The following ACSS3 variants were observed in gnomAD, a reference collection of about 807,000 sequenced individuals.
ACSS3 encodes acyl-CoA synthetase short chain family member 3.
A neutral mutation model predicts 84.2 loss-of-function variants in ACSS3; 64 were observed. That is an observed-to-expected ratio of 0.76 (90% CI 0.62 to 0.94). The LOEUF is 0.94. Among genes scored for constraint, ACSS3 ranks in the 40% least tolerant of loss-of-function variants. The probability of loss-of-function intolerance (pLI) is 0.00; values close to 1 mark genes in which losing one functional copy is unlikely to be tolerated. For missense variants in ACSS3, 815 were observed against 867.6 expected (o/e 0.94, Z 0.76); for synonymous variants, 317 against 310.1 (o/e 1.02, Z -0.23).
At chr12:81,193,753 G>C (rs1361765631) in intron 8 of ACSS3, among the ~76,000 whole-genome samples, 1 of 151,572 alleles carries the variant, frequency 6.6e-6, no homozygotes, top group South Asian at 2.1e-4. Context: ...TTAAACTCTT[G>C]AATTAGGTTA....
In ACSS3 at chr12:81,199,434, G is replaced by C; in HGVS notation, c.1344G>C (p.Trp448Cys). ...NVFRVPVLDH[W>C]WQTETGSPIT... The stretch of plus-strand genomic sequence containing the variant: ...TCAGAGTACCTGTCTTAGACCATTG[G>C]TGGCAAACTGGTAAGCATTTTCCTA... The change falls in exon 9 of 16, where the codon TGG becomes TGC. Residue 448 changes from tryptophan to cysteine, a missense_variant. Transcript: ENST00000548058. 6.2e-7 allele frequency: 1 copy of C among 1,612,430 alleles called. No individual in the cohort carries two copies. Among genetic ancestry groups the C allele is most frequent in the Non-Finnish European group, 8.5e-7 (1 of 1,179,090 alleles).
intron 3 of ACSS3, among the ~76,000 whole-genome samples, chr12:81,138,622 T>C (rs747949593): frequency 2.5e-4 from 38 of 152,160 alleles, no homozygotes; most frequent in Non-Finnish European, 4.1e-4. Context: ...AATAATATAA[T>C]GTAATATTTG....
At chr12:81,230,623 T>A (rs994520844) in intron 11 of ACSS3, among the ~76,000 whole-genome samples, 2 of 151,846 alleles carry the variant, frequency 1.3e-5, no homozygotes, top group Non-Finnish European at 2.9e-5. Flanking sequence ...GGTGCTTAAT[T>A]AGAATATTCT....
chr12:81,113,153 A>C (rs1427710742), intron 2 of ACSS3, among the ~76,000 whole-genome samples: 3 of 152,152 alleles, frequency 2.0e-5, no homozygotes, highest in Non-Finnish European at 4.4e-5. Flanking sequence ...ACATGTAAAC[A>C]GGCAATTTCA....
At chr12:81,084,301 G>A (rs141747556) in intron 1 of ACSS3, among the ~76,000 whole-genome samples, 2 of 152,240 alleles carry the variant, frequency 1.3e-5, no homozygotes, top group East Asian at 3.9e-4. Context: ...AGGGATATTG[G>A]GAAACATGGA....
At chr12:81,252,837 C>T (rs1192337849) in intron 13 of ACSS3, among the ~76,000 whole-genome samples, 2 of 152,164 alleles carry the variant, frequency 1.3e-5, no homozygotes, top group African/African-American at 4.8e-5. Context: ...TCATTGTTCA[C>T]TAACAGACTC....
Position 81,089,629 on chromosome 12 carries a change from CAT to C in ACSS3, c.311+11199_311+11200del, listed in dbSNP as rs149597682. Reference sequence around the variant, plus strand: ...TGTAATAGAATGAGAAGGAAACTAACATGTGATTATTCTCTAGCTTGTTACTG... The same window carrying C: ...TGTAATAGAATGAGAAGGAAACTAACGTGATTATTCTCTAGCTTGTTACTG... On this transcript the variant is annotated intron_variant, in intron 1 of 15. Coordinates refer to ENST00000548058, the MANE Select transcript of ACSS3 (RefSeq NM_024560.4). Among the ~76,000 whole-genome samples the C allele has an allele frequency of 4.6e-3, 694 of 152,028 alleles. 6 individuals are homozygous for C. Among genetic ancestry groups the C allele is most frequent in the African/African-American group, 0.016 (651 of 41,540 alleles).
chr12:81,220,401 C>T (rs1921062), intron 11 of ACSS3, among the ~76,000 whole-genome samples: 27,258 of 151,932 alleles, frequency 0.18, 2,630 homozygotes, highest in Middle Eastern at 0.22. Flanking sequence ...GTACTCTCAC[C>T]TCTCAGCAAT....
chr12:81,088,699 C>T (rs2121313570), intron 1 of ACSS3, among the ~76,000 whole-genome samples: 1 of 152,086 alleles, frequency 6.6e-6, no homozygotes, highest in South Asian at 2.1e-4. Context: ...CCCAGGCTGG[C>T]TGAATTTAGC....
intron 2 of ACSS3, among the ~76,000 whole-genome samples, chr12:81,131,579 C>T (rs1268635994): frequency 1.3e-5 from 2 of 152,132 alleles, no homozygotes; most frequent in African/African-American, 4.8e-5. Flanking sequence ...CAAACAGGGA[C>T]AATTTGACTT....
In ACSS3 at chr12:81,139,412, G is replaced by A. The variant is rs372980158; in HGVS notation, c.780+147G>A. On this transcript the variant is annotated intron_variant, in intron 4 of 15. Coordinates refer to ENST00000548058, the MANE Select transcript of ACSS3 (RefSeq NM_024560.4). ...TTATTTCTAAAAAATATATGAATAA[G>A]ACTTACTGACTTCATGAAAATCTAG... is the stretch of plus-strand genomic sequence containing the variant. 8 of 920,422 alleles carry A rather than the reference G, an allele frequency of 8.7e-6. No individual in the cohort carries two copies. In the African/African-American group the frequency reaches 1.2e-4, roughly 13 times the overall value. 57.0% of individuals were successfully genotyped at this position (920,422 alleles called of 1,614,324 possible). A position where few individuals can be genotyped will look rare whatever the true frequency, so the allele number is the denominator to read the frequency against.
At chr12:81,228,910 AT>A (rs903498935) in intron 11 of ACSS3, among the ~76,000 whole-genome samples, 1 of 151,634 alleles carries the variant, frequency 6.6e-6, no homozygotes, top group Non-Finnish European at 1.5e-5. Flanking sequence ...TTTAATATAT[AT>A]TTTTTGATAT....
In ACSS3 at chr12:81,260,879, T is replaced by C. The variant is rs2035237691; in HGVS notation, c.*5957T>C. Reference sequence around the variant, plus strand: ...CATCGAAAGTGGTTAAATATTTTGGTAAAGCATAGTTTTAGGTTGAAAAAA... The same window carrying C: ...CATCGAAAGTGGTTAAATATTTTGGCAAAGCATAGTTTTAGGTTGAAAAAA... On this transcript the variant is annotated 3_prime_UTR_variant, in exon 16 of 16. Coordinates refer to ENST00000548058, the MANE Select transcript of ACSS3 (RefSeq NM_024560.4). The C allele has an allele frequency of 6.6e-6, 1 of 152,200 alleles. No individual in the cohort carries two copies. Among genetic ancestry groups the C allele is most frequent in the African/African-American group, 2.4e-5 (1 of 41,450 alleles). 9.4% of individuals were successfully genotyped at this position (152,200 alleles called of 1,614,324 possible).
At chr12:81,130,226 G>A (rs1885399463) in intron 2 of ACSS3, among the ~76,000 whole-genome samples, 1 of 152,150 alleles carries the variant, frequency 6.6e-6, no homozygotes, top group Admixed American at 6.6e-5. Context: ...GGTTGAATTA[G>A]TTTACATTCC....
chr12:81,109,688 A>C lies in ACSS3; in HGVS notation c.440A>C (p.Lys147Thr), dbSNP rs1883404574. The C allele has an allele frequency of 6.2e-7, 1 of 1,600,982 alleles. No individual in the cohort carries two copies. Among genetic ancestry groups the C allele is most frequent in the Non-Finnish European group, 8.5e-7 (1 of 1,175,282 alleles). ...VTNTKATFTY[K>T]EVLEQVSKLA... ...AACACTAAAGCAACCTTTACCTATA[A>C]AGAAGTTCTGGAGCAGGTAATATCA... Residue 147 changes from lysine (K) to threonine (T), a missense_variant, in exon 2 of 16, where the codon AAA becomes ACA. Lys to Thr is a moderately conservative substitution (Grantham distance 78, BLOSUM62 -1). Transcript: ENST00000548058.
chr12:81,130,925 A>T (rs900192472), intron 2 of ACSS3, among the ~76,000 whole-genome samples: 11 of 152,130 alleles, frequency 7.2e-5, no homozygotes, highest in Admixed American at 7.2e-4. Context: ...TTTGTCAAAG[A>T]TTGGATGGTT....
chr12:81,174,780 C>A lies in ACSS3; in HGVS notation c.1099-8C>A, dbSNP rs751086812. ...ATCCAGTGACATTTTAAATGAATCT[C>A]ATTGTAGGGGAAGCCTGTGGGAACA... On this transcript the variant is annotated splice_polypyrimidine_tract_variant and splice_region_variant and intron_variant, in intron 7 of 15. Transcript: ENST00000548058. 1 of 1,609,782 alleles carries A rather than the reference C, an allele frequency of 6.2e-7. No individual in the cohort carries two copies. The highest frequency in any genetic ancestry group is 8.5e-7 in the Non-Finnish European group (1 of 1,177,378).
chr12:81,190,036 T>A (rs1228198396), intron 8 of ACSS3, among the ~76,000 whole-genome samples: 4 of 152,204 alleles, frequency 2.6e-5, no homozygotes, highest in Non-Finnish European at 5.9e-5. Context: ...TACTTGTTTG[T>A]ATTCACATTA....
At chr12:81,187,474 TC>T (rs2031332940) in intron 8 of ACSS3, among the ~76,000 whole-genome samples, 1 of 151,824 alleles carries the variant, frequency 6.6e-6, no homozygotes, top group Admixed American at 6.6e-5. Flanking sequence ...GAGCTAATAC[TC>T]CGGTTAGAAT....
Sources: gnomAD v4.1 joint callset for allele counts (sites outside exome capture counted in the v4.1 genomes callset) on GRCh38, gnomAD v4.1.1 for gene constraint, MANE v1.5 for transcripts, NCBI Gene and HGNC (gene_info 2026-07-23, HGNC 2026-07-21) for gene names.